The following SRGAP3 variants were observed in gnomAD, a reference collection of about 807,000 sequenced individuals.
The protein encoded by SRGAP3 is SLIT-ROBO Rho GTPase-activating protein 3.
SRGAP3 carries 39 observed loss-of-function variants against 121.1 expected under a neutral mutation model. That is an observed-to-expected ratio of 0.32 (90% confidence interval 0.25 to 0.42). The LOEUF (loss-of-function observed/expected upper bound fraction) is 0.42. Among genes scored for constraint, SRGAP3 ranks in the 10% least tolerant of loss-of-function variants. The probability of loss-of-function intolerance (pLI) is 1.00; values close to 1 mark genes in which losing one functional copy is unlikely to be tolerated. For missense variants in SRGAP3, 1,213 were observed against 1,470.6 expected, an observed-to-expected ratio of 0.82 and a Z score of 2.86; for synonymous variants, 601 against 570.0, an observed-to-expected ratio of 1.05 and a Z score of -0.77.
In SRGAP3 at chr3:9,339,159, C is replaced by T. The variant is rs140104768; in HGVS notation, n.215-8563G>A. ...GGGCCATATGATTATGATTCTGAAC[C>T]GGTTACTTAACTGCCCTGGGCCTTG... On this transcript the variant is annotated intron_variant and non_coding_transcript_variant, in intron 1 of 3. Coordinates refer to the SRGAP3 transcript ENST00000490889. 3.0e-3 allele frequency among the ~76,000 whole-genome samples: 453 copies of T among 152,276 alleles called. 5 individuals are homozygous for T. Among genetic ancestry groups the T allele is most frequent in the Admixed American group, 0.015 (231 of 15,300 alleles).
intron 3 of SRGAP3, among the ~76,000 whole-genome samples, chr3:9,080,376 G>C (rs58504192): frequency 0.015 from 2,340 of 152,260 alleles, 61 homozygotes; most frequent in African/African-American, 0.054. Context: ...GCATATTAAA[G>C]ATGTGGGGAA....
chr3:9,250,211 G>C (rs1407366639), upstream of SRGAP3, among the ~76,000 whole-genome samples: 1 of 152,142 alleles, frequency 6.6e-6, no homozygotes, highest in Admixed American at 6.5e-5. Context: ...TCTCTTTGGA[G>C]GCTATGTTAT....
chr3:9,185,326 GC>G (rs1951561576), intron 1 of SRGAP3, among the ~76,000 whole-genome samples: 1 of 152,112 alleles, frequency 6.6e-6, no homozygotes, highest in South Asian at 2.1e-4. Flanking sequence ...CCAGATTCCA[GC>G]CCCTCACACT....
At chr3:9,348,711 A>C in intron 1 of SRGAP3, 1 of 1,218,232 alleles carries the variant, frequency 8.2e-7, no homozygotes, top group Non-Finnish European at 1.2e-6. Flanking sequence ...AATGAGCAGC[A>C]CTCTGGGGGT....
intron 1 of SRGAP3, among the ~76,000 whole-genome samples, chr3:9,149,667 G>A (rs1020812592): frequency 1.3e-5 from 2 of 152,178 alleles, no homozygotes; most frequent in Admixed American, 6.5e-5. Flanking sequence ...AAGCAGTGGC[G>A]CTGCACTGCC....
chr3:9,323,526 G>C (rs1955469391), intron 3 of SRGAP3, among the ~76,000 whole-genome samples: 1 of 151,704 alleles, frequency 6.6e-6, no homozygotes, highest in South Asian at 2.1e-4. Context: ...ACATCTCGAA[G>C]GCCTAGAGTT....
At chr3:9,092,108 G>A (rs532703579) in intron 3 of SRGAP3, among the ~76,000 whole-genome samples, 6 of 152,114 alleles carry the variant, frequency 3.9e-5, no homozygotes, top group African/African-American at 7.2e-5. Context: ...GTCTAGCACC[G>A]TGGCCAGCAT....
intron 3 of SRGAP3, among the ~76,000 whole-genome samples, chr3:9,307,992 T>C (rs545033011): frequency 3.3e-5 from 5 of 152,288 alleles, no homozygotes; most frequent in Admixed American, 1.3e-4. Context: ...CCGTCTCTAC[T>C]AAAAATACAA....
chr3:9,015,466 C>A, intron 15 of SRGAP3, 131 bp downstream of exon 15: 1 of 1,201,308 alleles, frequency 8.3e-7, no homozygotes, highest in Non-Finnish European at 1.2e-6. Context: ...GCTTTCAGTT[C>A]TACGAGGATG....
intron 6 of SRGAP3, 174 bp downstream of exon 6, chr3:9,060,057 A>G (rs1946062940): frequency 2.0e-6 from 2 of 987,790 alleles, no homozygotes; most frequent in African/African-American, 1.6e-5. Context: ...CCACGAGGTA[A>G]CATTCATTTT....
intron 1 of SRGAP3, among the ~76,000 whole-genome samples, chr3:9,152,210 T>C (rs542897350): frequency 1.3e-5 from 2 of 152,318 alleles, no homozygotes; most frequent in African/African-American, 4.8e-5. Flanking sequence ...AAATGTCCCA[T>C]CCACATGTGC....
At chr3:9,257,240 T>C (rs1396472273) in intron 3 of SRGAP3, 1 of 159,660 alleles carries the variant, frequency 6.3e-6, no homozygotes, top group Non-Finnish European at 1.4e-5. Flanking sequence ...GATGTGATGC[T>C]ATTTGGAAAT....
intron 3 of SRGAP3, among the ~76,000 whole-genome samples, chr3:9,268,226 T>G (rs1234612402): frequency 6.6e-6 from 1 of 151,886 alleles, no homozygotes; most frequent in Non-Finnish European, 1.5e-5. Flanking sequence ...TAATTAGGGT[T>G]AGATGAGGTC....
At chr3:9,201,478 G>A (rs533940410) in intron 1 of SRGAP3, among the ~76,000 whole-genome samples, 9 of 152,364 alleles carry the variant, frequency 5.9e-5, no homozygotes, top group African/African-American at 2.2e-4. Context: ...TGCTGGAACA[G>A]ACTCTCCAGA....
intron 1 of SRGAP3, among the ~76,000 whole-genome samples, chr3:9,150,832 C>G (rs1304948652): frequency 6.6e-6 from 1 of 152,220 alleles, no homozygotes; most frequent in East Asian, 1.9e-4. Context: ...CAGCCAAGAA[C>G]TCCCTAATGG....
intron 1 of SRGAP3, among the ~76,000 whole-genome samples, chr3:9,168,948 C>T (rs1950885461): frequency 6.6e-6 from 1 of 152,250 alleles, no homozygotes; most frequent in Non-Finnish European, 1.5e-5. Flanking sequence ...GTGTCCCTTC[C>T]TCCCAACAGT....
At chr3:9,118,668 G>A (rs1948891664) in intron 2 of SRGAP3, among the ~76,000 whole-genome samples, 1 of 149,180 alleles carries the variant, frequency 6.7e-6, no homozygotes, top group African/African-American at 2.4e-5. Flanking sequence ...CCCCCAGGGG[G>A]CTTGTTAAAT....
chr3:9,362,012 T>C (rs996102654), intron 1 of SRGAP3, among the ~76,000 whole-genome samples: 1 of 152,080 alleles, frequency 6.6e-6, no homozygotes, highest in Non-Finnish European at 1.5e-5. Flanking sequence ...TCGTGACCCC[T>C]CTTACAGTTT....
In SRGAP3 at chr3:9,294,583, T is replaced by C. The variant is rs190031786; in HGVS notation, n.442+31427A>G. Reference sequence around the variant, plus strand: ...AACACCAATTCTTGCAAGCCATCCTTGGTGGGAATGACCACCACCCACACC... The same window carrying C: ...AACACCAATTCTTGCAAGCCATCCTCGGTGGGAATGACCACCACCCACACC... On this transcript the variant is annotated intron_variant and non_coding_transcript_variant, in intron 3 of 3. Coordinates refer to the SRGAP3 transcript ENST00000490889. Among the ~76,000 whole-genome samples the C allele has an allele frequency of 1.2e-3, 176 of 152,246 alleles. 1 individual carries two copies. Among genetic ancestry groups the C allele is most frequent in the African/African-American group, 3.9e-3 (160 of 41,548 alleles).
Sources: gnomAD v4.1 joint callset for allele counts (sites outside exome capture counted in the v4.1 genomes callset) on GRCh38, gnomAD v4.1.1 for gene constraint, MANE v1.5 for transcripts, NCBI Gene and HGNC (gene_info 2026-07-23, HGNC 2026-07-21) for gene names.